Variants in UBE2D2 observed in about 807,000 individuals in gnomAD.
UBE2D2 encodes ubiquitin conjugating enzyme E2 D2.
In UBE2D2, 2 loss-of-function variants were observed where a neutral mutation model predicts 24.2. That is an observed-to-expected ratio of 0.08 (90% CI 0.03 to 0.26). The LOEUF (loss-of-function observed/expected upper bound fraction) is 0.26, where lower values mean the gene tolerates loss of function less well. UBE2D2 is among the 10% of genes least tolerant of loss of function. The pLI, the probability that UBE2D2 is intolerant of heterozygous loss-of-function variation, is 1.00. For missense variants in UBE2D2, 44 were observed against 177.6 expected, an observed-to-expected ratio of 0.25 and a Z score of 4.28; for synonymous variants, 58 against 56.5, an observed-to-expected ratio of 1.03 and a Z score of -0.12.
chr5:139,627,119 G>T lies in UBE2D2; in HGVS notation c.*318G>T, dbSNP rs1374016536. On this transcript the variant is annotated 3_prime_UTR_variant, in exon 7 of 7. Transcript: ENST00000398733. ...TGGATAACAGCAAGGTGTGAGGGGG[G>T]TGGTGGGTATGGTGTGTGCTTGGAT... 2 of 282,110 alleles carry T rather than the reference G, an allele frequency of 7.1e-6. No homozygotes were observed. The highest frequency in any genetic ancestry group is 1.3e-5 in the Non-Finnish European group (2 of 148,526). The allele number at this position is 282,110 out of a possible 1,614,324, so 17.5% of individuals were successfully genotyped here.
intron 2 of UBE2D2, among the ~76,000 whole-genome samples, chr5:139,606,952 C>T (rs1754212893): frequency 6.6e-6 from 1 of 152,072 alleles, no homozygotes; most frequent in African/African-American, 2.4e-5. Context: ...TTACGGGTGC[C>T]TGCCACCACG....
chr5:139,592,596 CTTTTTTTTTTTT>C (rs34558950), intron 1 of UBE2D2, among the ~76,000 whole-genome samples: 5 of 104,900 alleles, frequency 4.8e-5, no homozygotes, highest in East Asian at 2.6e-4. Context: ...GTTCAGTAAT[CTTTTTTTTTTTT>C]TTTTTTTTTT....
intron 1 of UBE2D2, among the ~76,000 whole-genome samples, chr5:139,577,500 G>A (rs1753499816): frequency 7.2e-6 from 1 of 139,424 alleles, no homozygotes; most frequent in East Asian, 2.3e-4. Context: ...TGCAATCTCC[G>A]CCTCCCGGGT....
intron 1 of UBE2D2, among the ~76,000 whole-genome samples, chr5:139,584,413 T>C (rs1053042201): frequency 6.6e-6 from 1 of 151,966 alleles, no homozygotes; most frequent in African/African-American, 2.4e-5. Context: ...TTAGCATGAC[T>C]ATATTCTCTT....
intron 1 of UBE2D2, 86 bp downstream of exon 1, chr5:139,561,901 G>T: frequency 7.0e-7 from 1 of 1,421,644 alleles, no homozygotes; most frequent in Non-Finnish European, 9.2e-7. Context: ...TCGGGCTCGC[G>T]GCCTCCTTGG....
chr5:139,601,967 A>G (rs1364041710), intron 2 of UBE2D2, among the ~76,000 whole-genome samples: 1 of 152,104 alleles, frequency 6.6e-6, no homozygotes, highest in Non-Finnish European at 1.5e-5. Flanking sequence ...TAAAGTATGC[A>G]TACTTACAAA....
chr5:139,560,488 GC>G (rs1753051074), upstream of UBE2D2, among the ~76,000 whole-genome samples: 1 of 151,948 alleles, frequency 6.6e-6, no homozygotes, highest in African/African-American at 2.4e-5. Context: ...GAGTGACCGT[GC>G]CCGGCCTAAT....
chr5:139,553,971 G>A (rs943707646), intron 1 of UBE2D2, among the ~76,000 whole-genome samples: 1 of 151,948 alleles, frequency 6.6e-6, no homozygotes, highest in Admixed American at 6.6e-5. Context: ...GTAGAGATGG[G>A]GTTTCACCAT....
intron 1 of UBE2D2, among the ~76,000 whole-genome samples, chr5:139,552,032 A>G (rs1207521938): frequency 6.6e-6 from 1 of 152,216 alleles, no homozygotes; most frequent in East Asian, 1.9e-4. Context: ...GGAATGTAAA[A>G]TCAAGTATAA....
intron 1 of UBE2D2, among the ~76,000 whole-genome samples, chr5:139,572,505 A>G (rs1332714538): frequency 6.6e-6 from 1 of 152,064 alleles, no homozygotes; most frequent in East Asian, 1.9e-4. Flanking sequence ...CCAAGACAGG[A>G]GGATCGCTTG....
chr5:139,550,077 G>C (rs552863937), intron 1 of UBE2D2, among the ~76,000 whole-genome samples: 1 of 151,740 alleles, frequency 6.6e-6, no homozygotes, highest in Non-Finnish European at 1.5e-5. Context: ...AGTGCTCTGT[G>C]TCTAATCTAG....
intron 1 of UBE2D2, among the ~76,000 whole-genome samples, chr5:139,590,148 C>T (rs145073004): frequency 1.3e-5 from 2 of 151,892 alleles, no homozygotes; most frequent in East Asian, 3.9e-4. Flanking sequence ...TTTACCAAAT[C>T]GTTGTGATAG....
intron 1 of UBE2D2, among the ~76,000 whole-genome samples, chr5:139,582,154 A>G (rs1019093619): frequency 2.0e-5 from 3 of 151,856 alleles, no homozygotes; most frequent in African/African-American, 4.8e-5. Flanking sequence ...CCGCCCAGCT[A>G]ATTTTGTAGA....
intron 1 of UBE2D2, among the ~76,000 whole-genome samples, chr5:139,593,010 T>C (rs1282145457): frequency 2.0e-5 from 3 of 150,518 alleles, no homozygotes; most frequent in Non-Finnish European, 4.4e-5. Context: ...TTTTTTTTTT[T>C]TTTGAGGCAG....
rs1298333397 is a variant in UBE2D2, at chr5:139,628,261, C to T, written c.*1460C>T. On this transcript the variant is annotated 3_prime_UTR_variant, in exon 7 of 7. Transcript: ENST00000398733. ...TGTAAACAACTGTGTTTGCCAGAAA[C>T]ATCATTCATGTGAACTAGGCAAGTT... The T allele has an allele frequency of 1.3e-5, 2 of 152,620 alleles. No individual in the cohort carries two copies. Among genetic ancestry groups the T allele is most frequent in the Non-Finnish European group, 2.9e-5 (2 of 68,040 alleles). 9.5% of individuals were successfully genotyped at this position (152,620 alleles called of 1,614,324 possible). A position where few individuals can be genotyped will look rare whatever the true frequency, so the allele number is the denominator to read the frequency against.
At chr5:139,621,972 T>C (rs574601279) in intron 5 of UBE2D2, among the ~76,000 whole-genome samples, 361 of 152,296 alleles carry the variant, frequency 2.4e-3, no homozygotes, top group African/African-American at 8.1e-3. Flanking sequence ...AATTGAACTT[T>C]ATGGGATCTG....
chr5:139,595,408 C>T (rs535946935), intron 1 of UBE2D2, among the ~76,000 whole-genome samples: 4 of 151,762 alleles, frequency 2.6e-5, no homozygotes, highest in Non-Finnish European at 5.9e-5. Flanking sequence ...GTCGGAGTCT[C>T]GCTCTTGTTA....
chr5:139,611,905 T>TG (rs1184314242), intron 2 of UBE2D2: 3 of 151,626 alleles, frequency 2.0e-5, no homozygotes, highest in Non-Finnish European at 1.5e-5. Flanking sequence ...TTTGACCCCG[T>TG]GGGGGAAAAT....
intron 2 of UBE2D2, among the ~76,000 whole-genome samples, chr5:139,610,218 A>C (rs1212406091): frequency 6.6e-6 from 1 of 152,170 alleles, no homozygotes; most frequent in Non-Finnish European, 1.5e-5. Flanking sequence ...CATACGATAA[A>C]AACGCTACAA....
Sources: allele counts gnomAD v4.1 joint callset (sites outside exome capture counted in the v4.1 genomes callset), GRCh38; gene constraint gnomAD v4.1.1; transcripts MANE v1.5; gene names NCBI Gene and HGNC (gene_info 2026-07-23, HGNC 2026-07-21).